OXTR: variants seen among roughly 807,000 people sequenced by gnomAD.
OXTR encodes the protein oxytocin receptor.
Under a neutral mutation model 23.9 loss-of-function variants are expected in OXTR, and 19 were observed. The observed-to-expected ratio is 0.80, with a 90% CI of 0.56 to 1.17. The LOEUF (loss-of-function observed/expected upper bound fraction) is 1.17, where lower values mean the gene tolerates loss of function less well. Ranked by LOEUF, OXTR falls within the 50% of genes most tolerant of loss-of-function variation. OXTR has a pLI of 0.00. For synonymous variants in OXTR, 278 were observed against 250.5 expected, an observed-to-expected ratio of 1.11 and a Z score of -1.04; for missense variants, 500 against 550.7, an observed-to-expected ratio of 0.91 and a Z score of 0.92.
chr3:8,748,020 T>C (rs1184904143), downstream of OXTR, among the ~76,000 whole-genome samples: 1 of 152,184 alleles, frequency 6.6e-6, no homozygotes, highest in Non-Finnish European at 1.5e-5. Context: ...AGGAATCTCC[T>C]TGAGAAGTAG....
intron 3 of OXTR, among the ~76,000 whole-genome samples, chr3:8,755,610 C>G (rs539173640): frequency 4.6e-5 from 7 of 152,340 alleles, no homozygotes; most frequent in African/African-American, 1.7e-4. Flanking sequence ...GAAGTCTGGC[C>G]AGTGCCTCTG....
chr3:8,768,758 A>G lies in OXTR; in HGVS notation c.-238-167T>C, dbSNP rs1708700128. On this transcript the variant is annotated intron_variant, in intron 1 of 3. Coordinates refer to ENST00000316793, the MANE Select transcript of OXTR (RefSeq NM_000916.4). This position sits in a 1 kb window ranked among gnomAD's most constrained non-coding sequence, Gnocchi z 5.4. The stretch of plus-strand genomic sequence containing the variant: ...CCCAAACCAGCCCCTCTCCTAGTAA[A>G]CATTAATTCAAGTACTTCCTCCGGA... The G allele has an allele frequency of 6.6e-6, 1 of 152,038 alleles. No homozygotes were observed. The highest frequency in any genetic ancestry group is 1.5e-5 in the Non-Finnish European group (1 of 68,168). The allele number at this position is 152,038 out of a possible 1,614,324, so 9.4% of individuals were successfully genotyped here. A position where few individuals can be genotyped will look rare whatever the true frequency, so the allele number is the denominator to read the frequency against.
At chr3:8,745,758 G>T, downstream of OXTR, 1 of 1,614,106 alleles carries the variant, frequency 6.2e-7, no homozygotes, top group Non-Finnish European at 8.5e-7. The surrounding 1 kb of genome is among the most constrained non-coding windows in gnomAD (Gnocchi z 4.8). Flanking sequence ...GAGATCCAGT[G>T]CATCAGCCAC....
intron 3 of OXTR, among the ~76,000 whole-genome samples, chr3:8,765,914 A>G (rs991955190): frequency 6.6e-6 from 1 of 152,242 alleles, no homozygotes; most frequent in Admixed American, 6.5e-5. Flanking sequence ...GGAGGGTTCC[A>G]TAAAGCCTGG....
chr3:8,767,618 G>A lies in OXTR; in HGVS notation c.570C>T (p.Val190=), dbSNP rs201220637. 6.2e-7 allele frequency: 1 copy of A among 1,613,290 alleles called. No individual in the cohort carries two copies. The highest frequency in any genetic ancestry group is 1.7e-4 in the Middle Eastern group (1 of 6,060). ...CCTTGGGTCCCCAGGGCTGGATGAAGACGGCCCAGCAGTCGAAGACGCCGT... is the reference window on the plus strand; with the variant it reads ...CCTTGGGTCCCCAGGGCTGGATGAAAACGGCCCAGCAGTCGAAGACGCCGT... ...VADGVFDCWA[V]FIQPWGPKAY... Residue 190 remains valine (V), a synonymous_variant, in exon 3 of 4, where the codon GTC becomes GTT. Coordinates refer to ENST00000316793, the MANE Select transcript of OXTR (RefSeq NM_000916.4).
At chr3:8,742,483 TC>T in the OXTR span, 1 of 456,618 alleles carries the variant, frequency 2.2e-6, no homozygotes, top group South Asian at 1.5e-5. Flanking sequence ...GAGGACTCCA[TC>T]CGTCTTATCA....
chr3:8,755,635 C>A (rs1708355517), intron 3 of OXTR, among the ~76,000 whole-genome samples: 1 of 152,222 alleles, frequency 6.6e-6, no homozygotes, highest in African/African-American at 2.4e-5. Flanking sequence ...CACCTGGTGG[C>A]CACAGACACG....
At chr3:8,760,357 C>T (rs1191755355) in intron 3 of OXTR, among the ~76,000 whole-genome samples, 1 of 152,216 alleles carries the variant, frequency 6.6e-6, no homozygotes, top group Non-Finnish European at 1.5e-5. Context: ...CACGGTCCCA[C>T]ATTTATGCAT....
rs202010724 is a variant in OXTR, at chr3:8,761,328, G to GGT, written c.922+5936_922+5937dup. On this transcript the variant is annotated intron_variant, in intron 3 of 3. Transcript: ENST00000316793. ...AGTGCCATCAGCGGATGTGTACCTC[G>GGT]GTGTGTGTGTGTGTAGGTGTTGCAG... is the stretch of plus-strand genomic sequence containing the variant. 4.7e-4 allele frequency among the ~76,000 whole-genome samples: 71 copies of GGT among 151,892 alleles called. 2 individuals are homozygous for GGT. The East Asian group carries it at 0.01, about 22-fold the overall frequency.
At chr3:8,763,848 T>G (rs1708544861) in intron 3 of OXTR, among the ~76,000 whole-genome samples, 1 of 152,124 alleles carries the variant, frequency 6.6e-6, no homozygotes. Context: ...GGTGTAGAGC[T>G]TGTCTATACA....
chr3:8,741,673 C>T, the OXTR span, among the ~76,000 whole-genome samples: 4 of 152,236 alleles, frequency 2.6e-5, no homozygotes, highest in African/African-American at 7.2e-5. Flanking sequence ...GAGCTATTTC[C>T]CCACCCACAG....
chr3:8,743,895 G>A, the OXTR span, among the ~76,000 whole-genome samples: 2 of 152,050 alleles, frequency 1.3e-5, no homozygotes, highest in Non-Finnish European at 2.9e-5. Context: ...TTTCTATTCT[G>A]TTAATTCTCT....
At chr3:8,760,421 T>C (rs1442570359) in intron 3 of OXTR, among the ~76,000 whole-genome samples, 1 of 152,230 alleles carries the variant, frequency 6.6e-6, no homozygotes, top group Non-Finnish European at 1.5e-5. Context: ...TTGCCAACTC[T>C]CTTCACTTGG....
chr3:8,753,324 C>T (rs1271968617), intron 3 of OXTR, 100 bp from the exon 4 acceptor site: 3 of 1,382,596 alleles, frequency 2.2e-6, no homozygotes, highest in Non-Finnish European at 3.0e-6. Context: ...TGAGCGACAG[C>T]CTTGTCCAAG....
chr3:8,765,585 A>G (rs1193091252), intron 3 of OXTR, among the ~76,000 whole-genome samples: 2 of 152,170 alleles, frequency 1.3e-5, no homozygotes, highest in African/African-American at 4.8e-5. Flanking sequence ...CTTTCTTGAT[A>G]GTTGGTGTTC....
At chr3:8,766,121 C>T (rs188405706) in intron 3 of OXTR, among the ~76,000 whole-genome samples, 2 of 152,332 alleles carry the variant, frequency 1.3e-5, no homozygotes, top group East Asian at 1.9e-4. Context: ...TCTTTACAAA[C>T]ATTTGAAGTC....
intron 3 of OXTR, among the ~76,000 whole-genome samples, chr3:8,766,723 G>T (rs537219218): frequency 8.5e-6 from 1 of 118,130 alleles, no homozygotes; most frequent in East Asian, 2.1e-4. Context: ...CAACTACTAG[G>T]TGCTTGGTTG....
downstream of OXTR, chr3:8,745,942 G>A: frequency 1.6e-6 from 2 of 1,237,634 alleles, no homozygotes; most frequent in Non-Finnish European, 2.3e-6. The surrounding 1 kb of genome is among the most constrained non-coding windows in gnomAD (Gnocchi z 4.8). Context: ...TTCTTCACAG[G>A]GGCTGCTGGC....
chr3:8,752,805 A>C lies in OXTR; in HGVS notation c.*172T>G. ...GTGTTGTCTGATGGCTGAGTCCCCT[A>C]TCATCTTCCATCATGGAGGCCACTC... On this transcript the variant is annotated 3_prime_UTR_variant, in exon 4 of 4. Coordinates refer to ENST00000316793, the MANE Select transcript of OXTR (RefSeq NM_000916.4). The C allele has an allele frequency of 1.6e-5, 10 of 643,802 alleles. No homozygotes were observed. The highest frequency in any genetic ancestry group is 2.4e-5 in the Non-Finnish European group (9 of 380,234). The allele number at this position is 643,802 out of a possible 1,614,324, so 39.9% of individuals were successfully genotyped here. A position where few individuals can be genotyped will look rare whatever the true frequency, so the allele number is the denominator to read the frequency against.
Sources: allele counts gnomAD v4.1 joint callset (sites outside exome capture counted in the v4.1 genomes callset), GRCh38; gene constraint gnomAD v4.1.1; non-coding constraint Gnocchi (gnomAD v3.1); transcripts MANE v1.5; gene names NCBI Gene and HGNC (gene_info 2026-07-23, HGNC 2026-07-21).